The following DISC1 variants were observed in gnomAD, a reference collection of about 807,000 sequenced individuals.
The protein encoded by DISC1 is disrupted in schizophrenia 1 protein.
A neutral mutation model predicts 84.5 loss-of-function variants in DISC1; 57 were observed. The ratio of observed to expected loss-of-function variants is 0.67; its 90% CI spans 0.55 to 0.84. The LOEUF is 0.84. Ranked by LOEUF, DISC1 falls within the 40% of genes least tolerant of loss-of-function variation. The pLI, the probability that DISC1 is intolerant of heterozygous loss-of-function variation, is 0.00. For missense variants in DISC1, 1,000 were observed against 1,057.8 expected (o/e 0.95, Z 0.76); for synonymous variants, 411 against 415.2 (o/e 0.99, Z 0.12).
chr1:231,650,443 T>C (rs1283871006), intron 1 of DISC1, among the ~76,000 whole-genome samples: 2 of 152,176 alleles, frequency 1.3e-5, no homozygotes, highest in African/African-American at 4.8e-5. Context: ...CTGTTAGTCA[T>C]CAGACTTCCC....
At chr1:231,725,004 A>G (rs16854832) in intron 3 of DISC1, among the ~76,000 whole-genome samples, 4,153 of 152,210 alleles carry the variant, frequency 0.027, 197 homozygotes, top group African/African-American at 0.095. Flanking sequence ...CGGGACCTAC[A>G]GGGTCACTGT....
intron 4 of DISC1, among the ~76,000 whole-genome samples, chr1:231,763,137 A>G (rs1050237178): frequency 6.6e-6 from 1 of 152,072 alleles, no homozygotes; most frequent in Admixed American, 6.6e-5. Context: ...TGAGAACCTA[A>G]TGGTGTGTGG....
At chr1:231,888,315 G>C (rs769939097) in intron 9 of DISC1, among the ~76,000 whole-genome samples, 8 of 152,152 alleles carry the variant, frequency 5.3e-5, no homozygotes, top group Admixed American at 1.3e-4. Flanking sequence ...ATGATCAGCA[G>C]ATAGGAAGGT....
At chr1:231,797,267 G>A (rs1457862979) in intron 7 of DISC1, among the ~76,000 whole-genome samples, 5 of 152,116 alleles carry the variant, frequency 3.3e-5, no homozygotes, top group Non-Finnish European at 7.4e-5. Flanking sequence ...CCCAATATTA[G>A]GATTTGCTGA....
In DISC1 at chr1:231,885,211, G is replaced by A. The variant is rs1451129852; in HGVS notation, c.1981+66694G>A. ...TGAAACATACGAAAAAATGACAGGT[G>A]GGATCTCTCATGCAAAACTTCTGCT... On this transcript the variant is annotated intron_variant, in intron 9 of 12. Coordinates refer to ENST00000439617, the MANE Select transcript of DISC1 (RefSeq NM_018662.3). Among the ~76,000 whole-genome samples the A allele has an allele frequency of 5.9e-5, 9 of 152,282 alleles. No individual in the cohort carries two copies. The East Asian group carries it at 1.2e-3, about 20-fold the overall frequency.
intron 9 of DISC1, among the ~76,000 whole-genome samples, chr1:231,931,070 A>G (rs2090627681): frequency 6.6e-6 from 1 of 152,168 alleles, no homozygotes; most frequent in African/African-American, 2.4e-5. Context: ...TTACCAAACT[A>G]GACATTGTCT....
At chr1:231,901,604 T>C (rs1048255008) in intron 9 of DISC1, among the ~76,000 whole-genome samples, 2 of 152,204 alleles carry the variant, frequency 1.3e-5, no homozygotes, top group Admixed American at 6.5e-5. Context: ...CAGGCTTGTA[T>C]GGCACACTGC....
At chr1:231,977,581 T>C (rs1324714106) in intron 10 of DISC1, among the ~76,000 whole-genome samples, 3 of 152,210 alleles carry the variant, frequency 2.0e-5, no homozygotes, top group African/African-American at 7.2e-5. Flanking sequence ...CAGGATCATC[T>C]CCATCTCAAG....
intron 6 of DISC1, among the ~76,000 whole-genome samples, chr1:231,775,086 A>G (rs1009885524): frequency 6.6e-6 from 1 of 152,266 alleles, no homozygotes; most frequent in Non-Finnish European, 1.5e-5. Context: ...GAAGTTGCAG[A>G]GACTAGTATT....
At chr1:231,976,309 C>T (rs1026404326) in intron 10 of DISC1, among the ~76,000 whole-genome samples, 1 of 152,120 alleles carries the variant, frequency 6.6e-6, no homozygotes, top group Admixed American at 6.5e-5. Context: ...AGCCGTGAAT[C>T]TCACTTTAAG....
In DISC1 at chr1:231,904,768, A is replaced by G. The variant is rs987290492; in HGVS notation, c.1982-54060A>G. ...GCAATTGCTGAATACAAGCAGGGAA[A>G]TTGCAGACTGAGCTAGAGCCCTGTT... On this transcript the variant is annotated intron_variant, in intron 9 of 12. Transcript: ENST00000439617. Among the ~76,000 whole-genome samples, 4 of 152,162 alleles carry G rather than the reference A, an allele frequency of 2.6e-5. No homozygotes were observed. The East Asian group carries it at 7.7e-4, about 29-fold the overall frequency.
chr1:231,889,543 G>C (rs1317176914), intron 9 of DISC1, among the ~76,000 whole-genome samples: 1 of 152,212 alleles, frequency 6.6e-6, no homozygotes, highest in African/African-American at 2.4e-5. Flanking sequence ...TAGATAAGGA[G>C]AGATTTAATC....
At chr1:231,963,113 C>G (rs4266866) in intron 10 of DISC1, among the ~76,000 whole-genome samples, 31,519 of 152,060 alleles carry the variant, frequency 0.21, 3,521 homozygotes, top group African/African-American at 0.27. Flanking sequence ...ATGTCCTAAG[C>G]ATAAAGCCTA....
At chr1:231,953,076 TA>T (rs1215753193) in intron 9 of DISC1, among the ~76,000 whole-genome samples, 1 of 152,164 alleles carries the variant, frequency 6.6e-6, no homozygotes, top group Non-Finnish European at 1.5e-5. Context: ...TAACCAACTG[TA>T]AAATGGTGAT....
chr1:231,694,745 G>A lies in DISC1; in HGVS notation c.987G>A (p.Leu329=), dbSNP rs781223648. ...GGGATGCCCACTCTTGGGACACCCT[G>A]CTCAGGAAATGGGAGCCAGTGCTGC... The part of the protein sequence containing the change: ...GSGDAHSWDT[L]LRKWEPVLRD... Residue 329 remains leucine (L), a synonymous_variant, in exon 2 of 13, where the codon CTG becomes CTA. Coordinates refer to ENST00000439617, the MANE Select transcript of DISC1 (RefSeq NM_018662.3). 2 of 1,614,098 alleles carry A rather than the reference G, an allele frequency of 1.2e-6. No homozygotes were observed. Among genetic ancestry groups the A allele is most frequent in the South Asian group, 2.2e-5 (2 of 91,080 alleles).
chr1:231,978,385 C>T (rs1461862976), intron 10 of DISC1, among the ~76,000 whole-genome samples: 1 of 152,086 alleles, frequency 6.6e-6, no homozygotes, highest in African/African-American at 2.4e-5. Flanking sequence ...CTAATTCTGT[C>T]ATTCAGTTTT....
At position 232,031,077 on chromosome 1, in the gene DISC1, C is replaced by G. The variant is rs190859350; in HGVS notation, c.2425+4525C>G. Among the ~76,000 whole-genome samples the G allele has an allele frequency of 4.5e-4, 68 of 151,534 alleles. No individual in the cohort carries two copies. Among genetic ancestry groups the G allele is most frequent in the African/African-American group, 1.6e-3 (67 of 41,232 alleles). The stretch of plus-strand genomic sequence containing the variant: ...AGCTGAGACTGCACACTACTACACT[C>G]CAGCCTGGGCAACAAAGTAAGACAC... On this transcript the variant is annotated intron_variant, in intron 12 of 12. Transcript: ENST00000439617. This position sits in a 1 kb window ranked among gnomAD's most constrained non-coding sequence, Gnocchi z 4.6.
chr1:231,691,864 G>A (rs1421527469), intron 1 of DISC1, among the ~76,000 whole-genome samples: 2 of 152,206 alleles, frequency 1.3e-5, no homozygotes, highest in African/African-American at 4.8e-5. Flanking sequence ...GTCGGGCCCG[G>A]ACACTGCAGG....
chr1:232,033,611 A>G (rs1234170991), intron 12 of DISC1, among the ~76,000 whole-genome samples: 1 of 152,174 alleles, frequency 6.6e-6, no homozygotes, highest in Non-Finnish European at 1.5e-5. Context: ...GATGGCAGTG[A>G]CTTTGATTCA....
Sources: allele counts gnomAD v4.1 joint callset (sites outside exome capture counted in the v4.1 genomes callset), GRCh38; gene constraint gnomAD v4.1.1; non-coding constraint Gnocchi (gnomAD v3.1); transcripts MANE v1.5; gene names NCBI Gene and HGNC (gene_info 2026-07-23, HGNC 2026-07-21).